KIF5C: variants seen among roughly 807,000 people sequenced by gnomAD.
KIF5C encodes kinesin heavy chain isoform 5C.
Under a neutral mutation model 125.2 loss-of-function variants are expected in KIF5C, and 18 were observed. That is an observed-to-expected ratio of 0.14 (90% CI 0.10 to 0.21). The LOEUF (loss-of-function observed/expected upper bound fraction) is 0.21. Among genes scored for constraint, KIF5C ranks in the 10% least tolerant of loss-of-function variants. KIF5C has a pLI of 1.00. For missense variants in KIF5C, 780 were observed against 1,183.8 expected (o/e 0.66, Z 5.01); for synonymous variants, 405 against 434.0 (o/e 0.93, Z 0.83).
At chr2:149,006,398 C>T (rs919258925) in intron 22 of KIF5C, among the ~76,000 whole-genome samples, 12 of 152,058 alleles carry the variant, frequency 7.9e-5, no homozygotes, top group African/African-American at 2.9e-4. Context: ...TTGGAAGGAT[C>T]GGCAGGGAAA....
intron 15 of KIF5C, among the ~76,000 whole-genome samples, chr2:148,987,417 A>T (rs953061496): frequency 2.6e-5 from 4 of 152,130 alleles, no homozygotes; most frequent in Non-Finnish European, 4.4e-5. Context: ...CTCGTTGGGG[A>T]AGGAACTTTG....
chr2:148,895,966 A>G (rs1268852499), intron 1 of KIF5C, among the ~76,000 whole-genome samples: 1 of 151,872 alleles, frequency 6.6e-6, no homozygotes, highest in Non-Finnish European at 1.5e-5. Flanking sequence ...ATTTATCCTT[A>G]ATTACCCCCC....
intron 11 of KIF5C, among the ~76,000 whole-genome samples, chr2:148,971,332 CTATG>C (rs1680902067): frequency 1.3e-5 from 2 of 150,018 alleles, no homozygotes; most frequent in Non-Finnish European, 3.0e-5. Flanking sequence ...ATCTATCTAT[CTATG>C]TCTATCTATC....
chr2:149,015,257 C>T (rs1382759192), intron 25 of KIF5C, among the ~76,000 whole-genome samples: 2 of 152,132 alleles, frequency 1.3e-5, no homozygotes, highest in African/African-American at 4.8e-5. Context: ...GGGCATTTGT[C>T]AGTGGAGATT....
chr2:148,931,532 G>A (rs1032372908), intron 3 of KIF5C, among the ~76,000 whole-genome samples: 1 of 152,114 alleles, frequency 6.6e-6, no homozygotes, highest in Non-Finnish European at 1.5e-5. Flanking sequence ...GCGTGGTGGC[G>A]CACATTTGTA....
chr2:148,913,024 A>G (rs964069493), intron 1 of KIF5C, among the ~76,000 whole-genome samples: 2 of 152,342 alleles, frequency 1.3e-5, no homozygotes, highest in African/African-American at 4.8e-5. Context: ...TGATATAGAC[A>G]TCCTGAACTT....
At chr2:148,954,523 T>C (rs976914209) in intron 10 of KIF5C, among the ~76,000 whole-genome samples, 2 of 152,176 alleles carry the variant, frequency 1.3e-5, no homozygotes, top group Non-Finnish European at 2.9e-5. Flanking sequence ...GGGGTGGTAA[T>C]AAAGGGAAAG....
At chr2:148,991,400 G>A (rs1010350092) in intron 16 of KIF5C, among the ~76,000 whole-genome samples, 2 of 152,072 alleles carry the variant, frequency 1.3e-5, no homozygotes, top group Admixed American at 6.5e-5. Context: ...TGTTGAGTCC[G>A]TTCCCTTTTT....
chr2:148,978,533 A>G (rs987779045), intron 12 of KIF5C, among the ~76,000 whole-genome samples: 6 of 152,040 alleles, frequency 3.9e-5, no homozygotes, highest in Non-Finnish European at 8.8e-5. Flanking sequence ...GGATAATAAC[A>G]TATGACAGTG....
At chr2:148,998,710 G>A (rs1157990115) in intron 19 of KIF5C, 1 of 854,044 alleles carries the variant, frequency 1.2e-6, no homozygotes, top group Non-Finnish European at 1.7e-6. Flanking sequence ...GCCCTGGCAT[G>A]GCAGGTGGCA....
At chr2:148,920,930 C>T (rs1681758614) in intron 1 of KIF5C, among the ~76,000 whole-genome samples, 1 of 152,182 alleles carries the variant, frequency 6.6e-6, no homozygotes, top group African/African-American at 2.4e-5. Context: ...CATCTTCTGC[C>T]CTCCCCTCTG....
At chr2:148,954,757 T>G (rs1033583452) in intron 10 of KIF5C, among the ~76,000 whole-genome samples, 2 of 152,206 alleles carry the variant, frequency 1.3e-5, no homozygotes, top group Admixed American at 6.5e-5. Context: ...TCTGCCAGTT[T>G]AGTGGTAGCT....
intron 1 of KIF5C, among the ~76,000 whole-genome samples, chr2:148,915,377 T>C (rs1328511388): frequency 1.3e-5 from 2 of 152,198 alleles, no homozygotes; most frequent in East Asian, 3.9e-4. Flanking sequence ...GAGCCTTTGA[T>C]GCTTCTAGAA....
chr2:148,895,792 G>A (rs1363531455), intron 1 of KIF5C, among the ~76,000 whole-genome samples: 1 of 151,766 alleles, frequency 6.6e-6, no homozygotes, highest in Non-Finnish European at 1.5e-5. Context: ...TTCCTGGCAT[G>A]TAGATAGCCA....
chr2:149,004,978 A>G (rs569236447), intron 21 of KIF5C, among the ~76,000 whole-genome samples: 35 of 152,200 alleles, frequency 2.3e-4, no homozygotes, highest in Non-Finnish European at 4.4e-4. Context: ...ACGGTGAGAT[A>G]TTGTGGCTAA....
In KIF5C at chr2:148,973,373, G is replaced by A. The variant is rs763850213; in HGVS notation, c.1155G>A (p.Lys385=). Reference sequence around the variant, plus strand: ...CTGAGGATGAACAGATCAGTGCCAAGGACCAGAAGAACCTGGAGCCTTGTG... The same window carrying A: ...CTGAGGATGAACAGATCAGTGCCAAAGACCAGAAGAACCTGGAGCCTTGTG... ...AVPEDEQISA[K]DQKNLEPCDN... is the part of the protein sequence containing the mutation. Residue 385 remains lysine (K), a synonymous_variant, in exon 12 of 26, where the codon AAG becomes AAA. Coordinates refer to ENST00000435030, the MANE Select transcript of KIF5C (RefSeq NM_004522.3). 3 of 1,613,618 alleles carry A rather than the reference G, an allele frequency of 1.9e-6. No individual in the cohort carries two copies. The highest frequency in any genetic ancestry group is 1.1e-5 in the South Asian group (1 of 91,026).
chr2:148,879,235 G>C (rs764812963), intron 1 of KIF5C: 4 of 152,172 alleles, frequency 2.6e-5, no homozygotes, highest in Non-Finnish European at 5.9e-5. Context: ...GACAAGAACT[G>C]TGCATGTTTT....
At chr2:149,000,560 C>T (rs1681818064) in intron 20 of KIF5C, 36 bp downstream of exon 20, 1 of 1,546,542 alleles carries the variant, frequency 6.5e-7, no homozygotes, top group African/African-American at 1.4e-5. Flanking sequence ...TATTTTCTCT[C>T]ATCCCCATGA....
At chr2:148,934,558 C>A (rs1471133488) in intron 3 of KIF5C, among the ~76,000 whole-genome samples, 3 of 110,036 alleles carry the variant, frequency 2.7e-5, no homozygotes, top group African/African-American at 8.9e-5. Flanking sequence ...CACGCATACA[C>A]ACACACACAC....
Sources: allele counts gnomAD v4.1 joint callset (sites outside exome capture counted in the v4.1 genomes callset), GRCh38; gene constraint gnomAD v4.1.1; transcripts MANE v1.5; gene names NCBI Gene and HGNC (gene_info 2026-07-23, HGNC 2026-07-21).